Variants in LZIC observed in about 807,000 individuals in gnomAD.
LZIC encodes leucine zipper and CTNNBIP1 domain containing.
A neutral mutation model predicts 25.4 loss-of-function variants in LZIC; 28 were observed. The ratio of observed to expected loss-of-function variants is 1.10; its 90% CI spans 0.82 to 1.51. LZIC has a LOEUF of 1.51. Ranked by LOEUF, LZIC falls within the 40% of genes most tolerant of loss-of-function variation. The probability of loss-of-function intolerance (pLI) is 0.00; values close to 1 mark genes in which losing one functional copy is unlikely to be tolerated. For synonymous variants in LZIC, 65 were observed against 70.7 expected (o/e 0.92, Z 0.40); for missense variants, 170 against 211.1 (o/e 0.81, Z 1.21).
Position 9,927,067 on chromosome 1 carries a change from GAATAGAAGAGAA to G in LZIC, c.*3320_*3331del, listed in dbSNP as rs1476096122. 1.3e-5 allele frequency among the ~76,000 whole-genome samples: 2 copies of G among 152,114 alleles called. No individual in the cohort carries two copies. The highest frequency in any genetic ancestry group is 4.8e-5 in the African/African-American group (2 of 41,422). On this transcript the variant is annotated 3_prime_UTR_variant, in exon 8 of 8. Coordinates refer to ENST00000377223, the MANE Select transcript of LZIC (RefSeq NM_032368.5). ...TGAGGTAGGCCCTATTATCCTCATTGAATAGAAGAGAAAAGGAGGCTCAAAAAAATTAAGTAA... is the reference window on the plus strand; with the variant it reads ...TGAGGTAGGCCCTATTATCCTCATTGAAGGAGGCTCAAAAAAATTAAGTAA...
chr1:9,935,359 C>T (rs776685163), intron 4 of LZIC, 133 bp downstream of exon 4: 16 of 818,220 alleles, frequency 2.0e-5, no homozygotes, highest in South Asian at 3.8e-5. Context: ...ACCTGGGAGG[C>T]GGAGGTTGCA....
chr1:9,939,943 A>T, intron 2 of LZIC, among the ~76,000 whole-genome samples: 1 of 151,086 alleles, frequency 6.6e-6, no homozygotes, highest in Admixed American at 6.6e-5. Flanking sequence ...ACACGGCGAA[A>T]CCCCGTCTCT....
At chr1:9,935,350 C>T (rs1640407308) in intron 4 of LZIC, 142 bp downstream of exon 4, 2 of 748,396 alleles carry the variant, frequency 2.7e-6, no homozygotes, top group Middle Eastern at 4.1e-4. Context: ...ATCGCTTGAA[C>T]CTGGGAGGCG....
At chr1:9,933,301 T>TATACAC (rs1182876797) in intron 5 of LZIC, among the ~76,000 whole-genome samples, 6 of 129,432 alleles carry the variant, frequency 4.6e-5, no homozygotes, top group African/African-American at 1.8e-4. Context: ...TATATATATA[T>TATACAC]ACACATACAT....
chr1:9,923,610 T>C (rs1377700221), downstream of LZIC, among the ~76,000 whole-genome samples: 8 of 148,958 alleles, frequency 5.4e-5, no homozygotes. Flanking sequence ...GCAGTCCTTC[T>C]GCCTCAGCCT....
At chr1:9,940,937 C>G (rs910476260) in intron 2 of LZIC, among the ~76,000 whole-genome samples, 5 of 152,166 alleles carry the variant, frequency 3.3e-5, no homozygotes, top group Non-Finnish European at 7.3e-5. Flanking sequence ...AAGGCAAACC[C>G]AAGATGTAAC....
At chr1:9,942,951 G>C (rs1391518105) in intron 1 of LZIC, 169 bp from the exon 2 acceptor site, 1 of 354,170 alleles carries the variant, frequency 2.8e-6, no homozygotes, top group South Asian at 2.1e-5. Context: ...TAGCGAGGCC[G>C]AGAGGGTCTT....
At chr1:9,930,750 G>A (rs1010256054) in intron 7 of LZIC, among the ~76,000 whole-genome samples, 3 of 151,830 alleles carry the variant, frequency 2.0e-5, no homozygotes, top group African/African-American at 7.3e-5. Flanking sequence ...ATGGAGTTTC[G>A]CTCTTGTCGC....
chr1:9,943,150 C>A lies in LZIC; in HGVS notation c.-168+99G>T, dbSNP rs76604876. On this transcript the variant is annotated intron_variant, in intron 1 of 7. Transcript: ENST00000377223. ...CCCACCCCACGCGGGAACTTGAAGT[C>A]CGGCACGTAGGTCCCGCGGCGGCCG... The A allele has an allele frequency of 4.5e-3, 803 of 178,666 alleles. 5 individuals are homozygous for A. Among genetic ancestry groups the A allele is most frequent in the Non-Finnish European group, 7.9e-3 (640 of 81,424 alleles). The allele number at this position is 178,666 out of a possible 1,614,324, so 11.1% of individuals were successfully genotyped here.
chr1:9,922,402 G>A (rs1367930275), downstream of LZIC: 1 of 756,090 alleles, frequency 1.3e-6, no homozygotes, highest in Non-Finnish European at 1.6e-6. Flanking sequence ...TTCAAGTGGA[G>A]GCAATTCACT....
At position 9,933,912 on chromosome 1, in the gene LZIC, C is replaced by T. The variant is rs1455064174; in HGVS notation, c.336+850G>A. Among the ~76,000 whole-genome samples, 5 of 61,596 alleles carry T rather than the reference C, an allele frequency of 8.1e-5. No homozygotes were observed. In the Admixed American group the frequency reaches 1.5e-3, roughly 18 times the overall value. 40.4% of individuals were successfully genotyped at this position (61,596 alleles called of 152,430 possible). On this transcript the variant is annotated intron_variant, in intron 5 of 7. Transcript: ENST00000377223. ...AAGTAAGACCCTGCCTCAAAAACAA[C>T]AACAACAACAAAAAAACAAAAAACA...
Position 9,935,647 on chromosome 1 carries a change from T to C in LZIC, c.102-20A>G. The C allele has an allele frequency of 6.3e-7, 1 of 1,579,214 alleles. No individual in the cohort carries two copies. Among genetic ancestry groups the C allele is most frequent in the Non-Finnish European group, 8.5e-7 (1 of 1,169,720 alleles). ...TCCTCTCTGAAATAGGTGAACATCA[T>C]GATATGGAAAAATGAAGAGTTCCAA... is the stretch of plus-strand genomic sequence containing the variant. On this transcript the variant is annotated intron_variant, in intron 3 of 7. Transcript: ENST00000377223.
chr1:9,939,592 C>T (rs894944621), intron 2 of LZIC, among the ~76,000 whole-genome samples: 8 of 135,932 alleles, frequency 5.9e-5, no homozygotes, highest in Admixed American at 1.8e-4. Context: ...AGTGTTTCGC[C>T]ATGTTGGCCT....
At chr1:9,940,231 C>T in intron 2 of LZIC, among the ~76,000 whole-genome samples, 1 of 152,030 alleles carries the variant, frequency 6.6e-6, no homozygotes, top group East Asian at 1.9e-4. Context: ...GGCTGGAGTG[C>T]AGTGGAGCAA....
Position 9,942,674 on chromosome 1 carries a change from C to T in LZIC, c.-59G>A. ...CACAGTGCCGACCGGTCTCAAATTG[C>T]ACAAACCTCCAGTTCTTGACGTTCC... is the stretch of plus-strand genomic sequence containing the variant. On this transcript the variant is annotated 5_prime_UTR_variant, in exon 2 of 8. Coordinates refer to ENST00000377223, the MANE Select transcript of LZIC (RefSeq NM_032368.5). 1.6e-6 allele frequency: 2 copies of T among 1,289,338 alleles called. No individual in the cohort carries two copies. The highest frequency in any genetic ancestry group is 2.0e-6 in the Non-Finnish European group (2 of 988,838). The allele number at this position is 1,289,338 out of a possible 1,614,324, so 79.9% of individuals were successfully genotyped here.
At chr1:9,942,990 T>A in intron 1 of LZIC, 1 of 344,342 alleles carries the variant, frequency 2.9e-6, no homozygotes, top group South Asian at 2.2e-5. Context: ...CGGACACGCC[T>A]TGAGGGATGG....
At chr1:9,923,518 CTTTTTT>C (rs60858066), downstream of LZIC, among the ~76,000 whole-genome samples, 5 of 74,166 alleles carry the variant, frequency 6.7e-5, no homozygotes, top group African/African-American at 9.9e-5. Context: ...CCCAATGCTT[CTTTTTT>C]TTTTTTTTTT....
At chr1:9,939,397 G>T (rs1307718087) in intron 2 of LZIC, among the ~76,000 whole-genome samples, 1 of 138,180 alleles carries the variant, frequency 7.2e-6, no homozygotes. Context: ...ACAGAGTATC[G>T]CTCTGTCACC....
downstream of LZIC, chr1:9,922,481 TC>T: frequency 4.2e-6 from 1 of 239,686 alleles, no homozygotes; most frequent in Non-Finnish European, 6.7e-6. Flanking sequence ...AGCTACAGGC[TC>T]CAGGGGGTAG....
Sources: gnomAD v4.1 joint callset for allele counts (sites outside exome capture counted in the v4.1 genomes callset) on GRCh38, gnomAD v4.1.1 for gene constraint, MANE v1.5 for transcripts, NCBI Gene and HGNC (gene_info 2026-07-23, HGNC 2026-07-21) for gene names.